HNF4A: variants seen among roughly 807,000 people sequenced by gnomAD.
HNF4A encodes the protein hepatocyte nuclear factor 4-alpha.
In HNF4A, 15 loss-of-function variants were observed where a neutral mutation model predicts 52.4. The observed-to-expected ratio is 0.29, with a 90% CI of 0.19 to 0.44. The LOEUF is 0.44. HNF4A is among the 20% of genes least tolerant of loss of function. HNF4A has a pLI of 1.00. For synonymous variants in HNF4A, 280 were observed against 264.4 expected, an observed-to-expected ratio of 1.06 and a Z score of -0.57; for missense variants, 479 against 647.2, an observed-to-expected ratio of 0.74 and a Z score of 2.82.
chr20:44,368,512 T>C (rs1407848552), intron 1 of HNF4A, among the ~76,000 whole-genome samples: 1 of 151,910 alleles, frequency 6.6e-6, no homozygotes, highest in Admixed American at 6.6e-5. Flanking sequence ...CTGGGATGGG[T>C]AGAATTTTCT....
chr20:44,403,559 G>A (rs908335386), intron 1 of HNF4A, among the ~76,000 whole-genome samples: 2 of 152,152 alleles, frequency 1.3e-5, no homozygotes, highest in Non-Finnish European at 2.9e-5. Context: ...AGTGTTTTGA[G>A]TACATCCTGG....
chr20:44,406,956 T>G (rs1467073533), intron 2 of HNF4A, among the ~76,000 whole-genome samples: 1 of 152,140 alleles, frequency 6.6e-6, no homozygotes, highest in African/African-American at 2.4e-5. Context: ...CACCACGGTG[T>G]GGCACTGCCT....
chr20:44,357,988 T>C (rs2062876269), intron 1 of HNF4A, among the ~76,000 whole-genome samples: 1 of 151,092 alleles, frequency 6.6e-6, no homozygotes, highest in Non-Finnish European at 1.5e-5. Flanking sequence ...CCACAAAAAA[T>C]GAGCACTTTT....
chr20:44,381,930 G>C (rs910669716), intron 1 of HNF4A, among the ~76,000 whole-genome samples: 14 of 152,222 alleles, frequency 9.2e-5, no homozygotes, highest in Non-Finnish European at 4.4e-5. Context: ...TTTGAATTGA[G>C]TAAATAACGC....
At chr20:44,411,172 G>A (rs972809390) in intron 3 of HNF4A, among the ~76,000 whole-genome samples, 37 of 152,154 alleles carry the variant, frequency 2.4e-4, no homozygotes, top group Admixed American at 1.8e-3. Context: ...GGAGGTGAGC[G>A]TAGGTGATGG....
chr20:44,417,710 C>T (rs2063684811), intron 5 of HNF4A, among the ~76,000 whole-genome samples: 1 of 152,104 alleles, frequency 6.6e-6, no homozygotes, highest in Non-Finnish European at 1.5e-5. Context: ...CAGTGGTTCA[C>T]ACCTGTAATC....
intron 1 of HNF4A, among the ~76,000 whole-genome samples, chr20:44,371,869 G>T (rs2063037642): frequency 6.6e-6 from 1 of 152,100 alleles, no homozygotes; most frequent in Non-Finnish European, 1.5e-5. Flanking sequence ...TTTAAAAAAA[G>T]TGAAGGTCTA....
chr20:44,382,437 C>T (rs1021079669), intron 1 of HNF4A, among the ~76,000 whole-genome samples: 1 of 152,044 alleles, frequency 6.6e-6, no homozygotes, highest in African/African-American at 2.4e-5. Flanking sequence ...TGGAGTTTCA[C>T]CATGTTGGCC....
intron 1 of HNF4A, chr20:44,402,554 A>G (rs908134427): frequency 4.4e-6 from 6 of 1,364,632 alleles, no homozygotes; most frequent in Non-Finnish European, 5.9e-6. Context: ...CTCTGAGCAG[A>G]TTTTGTTGCC....
chr20:44,390,188 G>A lies in HNF4A; in HGVS notation c.50-15870G>A, dbSNP rs558014012. Among the ~76,000 whole-genome samples, 13 of 152,314 alleles carry A rather than the reference G, an allele frequency of 8.5e-5. No homozygotes were observed. The South Asian group carries it at 2.7e-3, about 32-fold the overall frequency. ...TGCACTCTTCTAGAAAAGCCACTGG[G>A]TTAAGGATTACAATGCCAATAGGGG... On this transcript the variant is annotated intron_variant, in intron 1 of 9. Coordinates refer to the HNF4A transcript ENST00000316673.
chr20:44,413,821 C>G, intron 4 of HNF4A, 21 bp downstream of exon 4: 1 of 1,517,884 alleles, frequency 6.6e-7, no homozygotes, highest in Non-Finnish European at 9.1e-7. Flanking sequence ...GATCCTGCCA[C>G]CCACCCAGGG....
chr20:44,411,494 G>C (rs1037518371), intron 3 of HNF4A, among the ~76,000 whole-genome samples: 3 of 151,950 alleles, frequency 2.0e-5, no homozygotes, highest in African/African-American at 7.2e-5. Context: ...TGATGGGTGG[G>C]TGCGGGTGCT....
intron 8 of HNF4A, 118 bp from the exon 9 acceptor site, chr20:44,428,217 C>T: frequency 1.0e-6 from 1 of 1,002,132 alleles, no homozygotes. Context: ...AGGTACCCAA[C>T]AGGCACTGCC....
chr20:44,402,510 A>C (rs1308516978), intron 1 of HNF4A: 10 of 1,288,658 alleles, frequency 7.8e-6, no homozygotes, highest in Non-Finnish European at 9.4e-6. Context: ...GCCACTCACC[A>C]AGTGAGATTC....
At chr20:44,360,392 A>G (rs2062904197) in intron 1 of HNF4A, among the ~76,000 whole-genome samples, 1 of 152,102 alleles carries the variant, frequency 6.6e-6, no homozygotes, top group Non-Finnish European at 1.5e-5. Context: ...TAATAAAAAG[A>G]TGTTATGGGT....
chr20:44,412,322 T>C (rs1600720156), intron 3 of HNF4A, among the ~76,000 whole-genome samples: 1 of 151,994 alleles, frequency 6.6e-6, no homozygotes, highest in Non-Finnish European at 1.5e-5. Flanking sequence ...GTGGGAGTCA[T>C]GTTGTGTTAG....
chr20:44,407,571 A>G, intron 3 of HNF4A, 96 bp downstream of exon 3: 5 of 866,050 alleles, frequency 5.8e-6, no homozygotes, highest in Middle Eastern at 2.9e-4. Flanking sequence ...TTTATGACTC[A>G]GTGGCAGGCC....
chr20:44,388,105 T>C (rs1314832521), intron 1 of HNF4A, among the ~76,000 whole-genome samples: 4 of 124,754 alleles, frequency 3.2e-5, no homozygotes, highest in Non-Finnish European at 4.9e-5. Flanking sequence ...TTTTTTTAAA[T>C]TGAGACAGAG....
intron 1 of HNF4A, among the ~76,000 whole-genome samples, chr20:44,405,376 G>A (rs736820): frequency 0.32 from 48,330 of 152,042 alleles, 8,082 homozygotes; most frequent in Non-Finnish European, 0.37. Context: ...AGCAGGGAAA[G>A]CGAAGTTGCC....
Sources: allele counts gnomAD v4.1 joint callset (sites outside exome capture counted in the v4.1 genomes callset), GRCh38; gene constraint gnomAD v4.1.1; transcripts MANE v1.5; gene names NCBI Gene and HGNC (gene_info 2026-07-23, HGNC 2026-07-21).